Variants in ADAM7 observed in about 807,000 individuals in gnomAD.
The protein encoded by ADAM7 is disintegrin and metalloproteinase domain-containing protein 7.
Under a neutral mutation model 102.9 loss-of-function variants are expected in ADAM7, and 97 were observed. The ratio of observed to expected loss-of-function variants is 0.94; its 90% CI spans 0.80 to 1.12. ADAM7 has a LOEUF of 1.12. Ranked by LOEUF, ADAM7 falls within the 50% of genes most tolerant of loss-of-function variation. ADAM7 has a pLI of 0.00. For missense variants in ADAM7, 991 were observed against 908.7 expected, an observed-to-expected ratio of 1.09 and a Z score of -1.16; for synonymous variants, 334 against 304.4, an observed-to-expected ratio of 1.10 and a Z score of -1.01.
At chr8:24,473,232 A>G (rs1819663963) in intron 7 of ADAM7, among the ~76,000 whole-genome samples, 1 of 152,154 alleles carries the variant, frequency 6.6e-6, no homozygotes, top group Non-Finnish European at 1.5e-5. Flanking sequence ...CACATTTTAT[A>G]AGTTTATTAT....
chr8:24,479,430 G>T lies in ADAM7; in HGVS notation c.706-2712G>T, dbSNP rs186712832. Among the ~76,000 whole-genome samples the T allele has an allele frequency of 2.6e-5, 4 of 152,066 alleles. No homozygotes were observed. The East Asian group carries it at 7.7e-4, about 29-fold the overall frequency. On this transcript the variant is annotated intron_variant, in intron 8 of 21. Coordinates refer to ENST00000175238, the MANE Select transcript of ADAM7 (RefSeq NM_003817.4). The stretch of plus-strand genomic sequence containing the variant: ...GTAATACATTTTAATTTGGGTTCTG[G>T]GGGAAAAATTTACTATAGCTCCCTT...
intron 8 of ADAM7, among the ~76,000 whole-genome samples, chr8:24,479,532 C>T (rs1819879766): frequency 2.0e-5 from 3 of 151,942 alleles, no homozygotes; most frequent in Non-Finnish European, 4.4e-5. Context: ...GCAATTCTCC[C>T]CTTCTTCAGG....
rs545113101 is a variant in ADAM7, at chr8:24,500,446, C to A, written c.2002+190C>A. 5.8e-4 allele frequency among the ~76,000 whole-genome samples: 89 copies of A among 152,264 alleles called. 1 individual carries two copies. Among genetic ancestry groups the A allele is most frequent in the African/African-American group, 2.0e-3 (84 of 41,534 alleles). Reference sequence around the variant, plus strand: ...CTTTTACAGCAATTCCCTTTTACAGCCAATGTAGTCTCTTCTAGCTAAATT... The same window carrying A: ...CTTTTACAGCAATTCCCTTTTACAGACAATGTAGTCTCTTCTAGCTAAATT... On this transcript the variant is annotated intron_variant, in intron 18 of 21. Coordinates refer to ENST00000175238, the MANE Select transcript of ADAM7 (RefSeq NM_003817.4).
chr8:24,471,200 TA>T (rs1295025395), intron 7 of ADAM7, among the ~76,000 whole-genome samples: 2 of 152,070 alleles, frequency 1.3e-5, no homozygotes, highest in Admixed American at 6.5e-5. Flanking sequence ...AACTGATGTC[TA>T]AAAAAATCAA....
Position 24,476,971 on chromosome 8 carries a change from G to A in ADAM7, c.705+467G>A, listed in dbSNP as rs144371877. Among the ~76,000 whole-genome samples, 9 of 152,200 alleles carry A rather than the reference G, an allele frequency of 5.9e-5. No homozygotes were observed. The East Asian group carries it at 1.5e-3, about 26-fold the overall frequency. On this transcript the variant is annotated intron_variant, in intron 8 of 21. Coordinates refer to ENST00000175238, the MANE Select transcript of ADAM7 (RefSeq NM_003817.4). Reference sequence around the variant, plus strand: ...ATATAACCCTTTAAAAAAACAAATTGTGAATGGCAACACATTTTTTTTGCC... The same window carrying A: ...ATATAACCCTTTAAAAAAACAAATTATGAATGGCAACACATTTTTTTTGCC...
chr8:24,507,357 A>C, intron 20 of ADAM7, 123 bp from the exon 21 acceptor site: 1 of 694,268 alleles, frequency 1.4e-6, no homozygotes, highest in Non-Finnish European at 2.5e-6. Flanking sequence ...TCATGGAGCA[A>C]GCAGAGGTGG....
At chr8:24,501,410 T>A in intron 19 of ADAM7, 67 bp from the exon 20 acceptor site, 2 of 1,174,190 alleles carry the variant, frequency 1.7e-6, no homozygotes, top group Non-Finnish European at 2.4e-6. Flanking sequence ...AGCTTACTCA[T>A]GAAGAAATAA....
At chr8:24,492,370 T>C (rs1424349136) in intron 14 of ADAM7, 125 bp from the exon 15 acceptor site, 1 of 780,794 alleles carries the variant, frequency 1.3e-6, no homozygotes, top group Non-Finnish European at 2.0e-6. Context: ...TTTTAAATAA[T>C]TTATTCCATT....
At chr8:24,484,040 AT>A (rs1453815507) in intron 9 of ADAM7, among the ~76,000 whole-genome samples, 2 of 152,130 alleles carry the variant, frequency 1.3e-5, no homozygotes, top group African/African-American at 4.8e-5. Context: ...GCAAGACAGT[AT>A]ATATGGCATT....
chr8:24,444,287 T>A (rs547096631), intron 2 of ADAM7, among the ~76,000 whole-genome samples: 34 of 150,844 alleles, frequency 2.3e-4, no homozygotes, highest in African/African-American at 6.0e-4. Flanking sequence ...ATAAATAAAT[T>A]AAATAAATAA....
At chr8:24,481,855 T>C (rs1819963295) in intron 8 of ADAM7, among the ~76,000 whole-genome samples, 1 of 152,172 alleles carries the variant, frequency 6.6e-6, no homozygotes, top group Non-Finnish European at 1.5e-5. Flanking sequence ...CTTTAATACA[T>C]TCTTCCAGCA....
At chr8:24,492,294 G>A (rs1000142853) in intron 14 of ADAM7, 196 bp downstream of exon 14, 4 of 679,954 alleles carry the variant, frequency 5.9e-6, no homozygotes, top group African/African-American at 1.8e-5. Context: ...CAGTATATGA[G>A]CTATGTATAT....
At chr8:24,506,924 G>C (rs1262611024) in intron 20 of ADAM7, among the ~76,000 whole-genome samples, 3 of 152,070 alleles carry the variant, frequency 2.0e-5, no homozygotes, top group African/African-American at 4.8e-5. Flanking sequence ...TTTCAACTTT[G>C]TATTTTTAAA....
chr8:24,482,273 T>A lies in ADAM7; in HGVS notation c.837T>A (p.Leu279=). 7 of 1,611,414 alleles carry A rather than the reference T, an allele frequency of 4.3e-6. No individual in the cohort carries two copies. The highest frequency in any genetic ancestry group is 5.1e-6 in the Non-Finnish European group (6 of 1,179,200). ...LRFSFWQEKI[L]KTRKDFDHVV... is the part of the protein sequence containing the mutation. ...TTTCATTTTGGCAAGAAAAGATCCTTAAAACACGGAAGGATTTTGATCATG... is the reference window on the plus strand; with the variant it reads ...TTTCATTTTGGCAAGAAAAGATCCTAAAAACACGGAAGGATTTTGATCATG... Residue 279 remains leucine (L), a synonymous_variant, in exon 9 of 22, where the codon CTT becomes CTA. Transcript: ENST00000175238.
chr8:24,502,492 T>G (rs1487169032), intron 20 of ADAM7, among the ~76,000 whole-genome samples: 2 of 152,022 alleles, frequency 1.3e-5, no homozygotes, highest in Non-Finnish European at 2.9e-5. Context: ...TAATAAATTT[T>G]ATAAGCCTCC....
At chr8:24,507,430 C>T (rs1014082324) in intron 20 of ADAM7, 50 bp from the exon 21 acceptor site, 55 of 1,461,518 alleles carry the variant, frequency 3.8e-5, no homozygotes, top group African/African-American at 8.4e-5. Flanking sequence ...GATGCCCATG[C>T]GTGTAACATC....
chr8:24,445,962 T>A (rs1818542936), intron 2 of ADAM7, among the ~76,000 whole-genome samples: 1 of 152,330 alleles, frequency 6.6e-6, no homozygotes, highest in Middle Eastern at 3.4e-3. Context: ...CCTATTATGA[T>A]GCTCATTACA....
At position 24,476,758 on chromosome 8, in the gene ADAM7, A is replaced by G. The variant is rs17052036; in HGVS notation, c.705+254A>G. ...TCTCTAATCACAAAATTTATGAACC[A>G]ATGTACAAAGAATATGAAAATCAAT... On this transcript the variant is annotated intron_variant, in intron 8 of 21. Coordinates refer to ENST00000175238, the MANE Select transcript of ADAM7 (RefSeq NM_003817.4). Among the ~76,000 whole-genome samples, 1,188 of 152,314 alleles carry G rather than the reference A, an allele frequency of 7.8e-3. 11 individuals are homozygous for G. The highest frequency in any genetic ancestry group is 0.011 in the Non-Finnish European group (715 of 68,012).
chr8:24,506,436 A>G (rs769219195), intron 20 of ADAM7, among the ~76,000 whole-genome samples: 5 of 152,226 alleles, frequency 3.3e-5, no homozygotes, highest in Non-Finnish European at 5.9e-5. Context: ...ACCATGATAC[A>G]TGCATTTTCT....
Sources: allele counts gnomAD v4.1 joint callset (sites outside exome capture counted in the v4.1 genomes callset), GRCh38; gene constraint gnomAD v4.1.1; transcripts MANE v1.5; gene names NCBI Gene and HGNC (gene_info 2026-07-23, HGNC 2026-07-21).